The following ZCWPW2 variants were observed in gnomAD, a reference collection of about 807,000 sequenced individuals.
ZCWPW2 encodes zinc finger CW-type PWWP domain protein 2.
A neutral mutation model predicts 46.6 loss-of-function variants in ZCWPW2; 45 were observed. That is an observed-to-expected ratio of 0.96 (90% CI 0.76 to 1.24). The LOEUF is 1.24. Among genes scored for constraint, ZCWPW2 ranks in the 50% most tolerant of loss-of-function variants. ZCWPW2 has a pLI of 0.00. For missense variants in ZCWPW2, 429 were observed against 403.9 expected, an observed-to-expected ratio of 1.06 and a Z score of -0.53; for synonymous variants, 152 against 137.1, an observed-to-expected ratio of 1.11 and a Z score of -0.76.
chr3:28,359,161 G>T (rs1704845889), intron 1 of ZCWPW2, among the ~76,000 whole-genome samples: 1 of 151,978 alleles, frequency 6.6e-6, no homozygotes, highest in Non-Finnish European at 1.5e-5. Context: ...GGATGAAAGT[G>T]GAAATGGTCA....
At chr3:28,405,707 C>T (rs1436586015) in intron 2 of ZCWPW2, among the ~76,000 whole-genome samples, 1 of 152,062 alleles carries the variant, frequency 6.6e-6, no homozygotes, top group Non-Finnish European at 1.5e-5. Flanking sequence ...AACTCCTGAC[C>T]GTGTGATCTG....
At chr3:28,388,596 G>A (rs1030016452) in intron 1 of ZCWPW2, among the ~76,000 whole-genome samples, 1 of 152,110 alleles carries the variant, frequency 6.6e-6, no homozygotes, top group Non-Finnish European at 1.5e-5. Flanking sequence ...TATATTACAA[G>A]ATAATGGGAT....
intron 7 of ZCWPW2, 46 bp downstream of exon 7, chr3:28,514,168 A>G (rs748676508): frequency 3.1e-6 from 4 of 1,296,960 alleles, no homozygotes; most frequent in Admixed American, 2.6e-5. Context: ...ATTGAAATAT[A>G]TATTGGATTT....
At chr3:28,395,296 G>T (rs1433866854) in intron 2 of ZCWPW2, among the ~76,000 whole-genome samples, 1 of 152,054 alleles carries the variant, frequency 6.6e-6, no homozygotes, top group Non-Finnish European at 1.5e-5. Context: ...CTTTTGCACT[G>T]TAATGTAAAT....
intron 2 of ZCWPW2, among the ~76,000 whole-genome samples, chr3:28,393,279 A>G (rs145760705): frequency 6.6e-6 from 1 of 152,164 alleles, no homozygotes; most frequent in African/African-American, 2.4e-5. Context: ...TAGGCTAATA[A>G]TAAGTAAGGA....
chr3:28,498,967 G>A lies in ZCWPW2; in HGVS notation c.657+6794G>A, dbSNP rs921133407. On this transcript the variant is annotated intron_variant, in intron 6 of 9. Transcript: ENST00000383768. ...CCAGCTTCATCCATGTCCCTGCAAA[G>A]GACGTGAACTCATCCTTTTTTATGG... Among the ~76,000 whole-genome samples, 5 of 152,224 alleles carry A rather than the reference G, an allele frequency of 3.3e-5. No homozygotes were observed. The South Asian group carries it at 8.3e-4, about 25-fold the overall frequency.
chr3:28,406,759 G>A (rs1008879097), intron 2 of ZCWPW2, among the ~76,000 whole-genome samples: 4 of 151,546 alleles, frequency 2.6e-5, no homozygotes, highest in Admixed American at 6.6e-5. Context: ...TGTTCTAACA[G>A]CTCAGCTCAA....
chr3:28,422,894 A>T (rs1420894862), intron 3 of ZCWPW2, among the ~76,000 whole-genome samples: 1 of 152,098 alleles, frequency 6.6e-6, no homozygotes, highest in African/African-American at 2.4e-5. Context: ...TGAATTTTGA[A>T]TTCTAATAGG....
At chr3:28,448,192 G>A (rs1698071410) in intron 4 of ZCWPW2, 1 of 164,480 alleles carries the variant, frequency 6.1e-6, no homozygotes, top group South Asian at 1.8e-4. Context: ...CTTCTGAGTA[G>A]GAAACCTTAA....
At chr3:28,498,615 A>G (rs1700058078) in intron 6 of ZCWPW2, among the ~76,000 whole-genome samples, 1 of 151,886 alleles carries the variant, frequency 6.6e-6, no homozygotes, top group Non-Finnish European at 1.5e-5. Context: ...TTACAATAGT[A>G]TCATAGTTCT....
chr3:28,384,385 A>G (rs938997111), intron 1 of ZCWPW2, among the ~76,000 whole-genome samples: 1 of 152,146 alleles, frequency 6.6e-6, no homozygotes, highest in Non-Finnish European at 1.5e-5. Context: ...AAATATTCTA[A>G]AAACAAGAAA....
At chr3:28,476,700 A>G (rs923808818) in intron 4 of ZCWPW2, among the ~76,000 whole-genome samples, 1 of 152,198 alleles carries the variant, frequency 6.6e-6, no homozygotes, top group African/African-American at 2.4e-5. Context: ...ACATTGTAAT[A>G]TATAATGAAA....
chr3:28,405,108 A>C (rs1460165838), intron 2 of ZCWPW2, among the ~76,000 whole-genome samples: 1 of 152,248 alleles, frequency 6.6e-6, no homozygotes, highest in Non-Finnish European at 1.5e-5. Context: ...TAAGTGAAAT[A>C]AATGTGGTTA....
intron 1 of ZCWPW2, among the ~76,000 whole-genome samples, chr3:28,380,627 A>G (rs1344707201): frequency 6.6e-6 from 1 of 152,008 alleles, no homozygotes; most frequent in Non-Finnish European, 1.5e-5. Flanking sequence ...GTAATGTCCA[A>G]CACAATCAAC....
intron 1 of ZCWPW2, among the ~76,000 whole-genome samples, chr3:28,383,707 C>T (rs1280278276): frequency 6.6e-6 from 1 of 151,928 alleles, no homozygotes; most frequent in Non-Finnish European, 1.5e-5. Flanking sequence ...GAACGTGGAC[C>T]TCTTCAATTC....
intron 2 of ZCWPW2, among the ~76,000 whole-genome samples, chr3:28,392,650 A>G (rs1695541521): frequency 6.6e-6 from 1 of 152,160 alleles, no homozygotes; most frequent in East Asian, 1.9e-4. Context: ...GGAACCAATA[A>G]CAGGAAGAAT....
intron 1 of ZCWPW2, among the ~76,000 whole-genome samples, chr3:28,352,656 G>T (rs1408195119): frequency 6.6e-6 from 1 of 152,050 alleles, no homozygotes; most frequent in Non-Finnish European, 1.5e-5. Flanking sequence ...ACCCATGTGT[G>T]ATTTTTGGTA....
chr3:28,462,511 G>A (rs997075849), intron 4 of ZCWPW2, among the ~76,000 whole-genome samples: 12 of 152,154 alleles, frequency 7.9e-5, no homozygotes, highest in African/African-American at 2.9e-4. Flanking sequence ...TGTAAAAGGT[G>A]GCCCCAAAAT....
intron 4 of ZCWPW2, among the ~76,000 whole-genome samples, chr3:28,468,366 A>G (rs1344297050): frequency 2.0e-5 from 3 of 151,772 alleles, no homozygotes; most frequent in African/African-American, 7.2e-5. Flanking sequence ...TTAAAGAGGA[A>G]GTAAAGAAAG....
Sources: gnomAD v4.1 joint callset for allele counts (sites outside exome capture counted in the v4.1 genomes callset) on GRCh38, gnomAD v4.1.1 for gene constraint, MANE v1.5 for transcripts, NCBI Gene and HGNC (gene_info 2026-07-23, HGNC 2026-07-21) for gene names.